CLDN18: variants seen among roughly 807,000 people sequenced by gnomAD.
CLDN18 encodes claudin 18.
A neutral mutation model predicts 25.0 loss-of-function variants in CLDN18; 20 were observed. That is an observed-to-expected ratio of 0.80 (90% CI 0.56 to 1.16). The LOEUF (loss-of-function observed/expected upper bound fraction) is 1.16, where lower values mean the gene tolerates loss of function less well. CLDN18 is among the 50% of genes most tolerant of loss of function. The probability of loss-of-function intolerance (pLI) is 0.00; values close to 1 mark genes in which losing one functional copy is unlikely to be tolerated. For missense variants in CLDN18, 297 were observed against 345.4 expected, an observed-to-expected ratio of 0.86 and a Z score of 1.11; for synonymous variants, 125 against 135.6, an observed-to-expected ratio of 0.92 and a Z score of 0.54.
chr3:138,027,873 G>A (rs1246523529), intron 3 of CLDN18, among the ~76,000 whole-genome samples: 1 of 152,164 alleles, frequency 6.6e-6, no homozygotes, highest in Non-Finnish European at 1.5e-5. Flanking sequence ...GGTAGGATGA[G>A]GGGGCAGGGC....
intron 3 of CLDN18, among the ~76,000 whole-genome samples, chr3:138,026,375 C>T (rs573116276): frequency 7.2e-5 from 11 of 152,220 alleles, no homozygotes; most frequent in African/African-American, 2.2e-4. Flanking sequence ...AGGCTGGGCG[C>T]GGTGGCTCAC....
chr3:138,026,192 G>T (rs1172157280), intron 3 of CLDN18, among the ~76,000 whole-genome samples: 1 of 152,108 alleles, frequency 6.6e-6, no homozygotes. Context: ...TCCTTCTCCT[G>T]TTCCCCGACT....
chr3:138,014,543 A>C (rs1393325830), intron 1 of CLDN18, among the ~76,000 whole-genome samples: 1 of 151,892 alleles, frequency 6.6e-6, no homozygotes, highest in African/African-American at 2.4e-5. Flanking sequence ...GCTGTGAAAA[A>C]CCAAGCTGGA....
chr3:138,029,769 T>C (rs1316871363), intron 3 of CLDN18, 28 bp from the exon 4 acceptor site: 3 of 1,384,336 alleles, frequency 2.2e-6, no homozygotes, highest in Admixed American at 4.7e-5. Flanking sequence ...GAGTCAACCA[T>C]ATTGACAGCC....
chr3:138,015,154 A>T (rs563088323), intron 1 of CLDN18, among the ~76,000 whole-genome samples: 21 of 152,250 alleles, frequency 1.4e-4, no homozygotes, highest in South Asian at 1.2e-3. Context: ...AAATATTTTT[A>T]AAAAAATATT....
At chr3:137,998,983 C>T (rs1941986380) in exon 1 of CLDN18, 1 of 1,614,110 alleles carries the variant, frequency 6.2e-7, no homozygotes. Flanking sequence ...GTACAACAAC[C>T]CCGTAACAGC....
intron 1 of CLDN18, among the ~76,000 whole-genome samples, chr3:138,014,017 T>G (rs1009887848): frequency 6.6e-6 from 1 of 151,812 alleles, no homozygotes; most frequent in Non-Finnish European, 1.5e-5. Context: ...GCACATTTTT[T>G]TCAAAAAGTA....
chr3:137,998,961 C>A, exon 1 of CLDN18: 1 of 1,614,152 alleles, frequency 6.2e-7, no homozygotes, highest in African/African-American at 1.3e-5. Flanking sequence ...ACCAGTGGAG[C>A]ACCCAAGACT....
intron 1 of CLDN18, among the ~76,000 whole-genome samples, chr3:138,013,085 C>T (rs561993611): frequency 1.3e-5 from 2 of 152,292 alleles, no homozygotes; most frequent in South Asian, 2.1e-4. Context: ...GATTGATAAA[C>T]TAAGTTGAAT....
chr3:137,999,416 G>A lies in CLDN18; in HGVS notation c.220+328G>A, dbSNP rs573787318. 1.4e-4 allele frequency among the ~76,000 whole-genome samples: 21 copies of A among 152,238 alleles called. No individual in the cohort carries two copies. In the South Asian group the frequency reaches 3.3e-3, roughly 24 times the overall value. On this transcript the variant is annotated intron_variant, in intron 1 of 4. Coordinates refer to the CLDN18 transcript ENST00000343735. Reference sequence around the variant, plus strand: ...ACAGGACTCAGGAGGCCCAGACTTCGGCCACTTTGTTCCTTCGGCCCCGGG... The same window carrying A: ...ACAGGACTCAGGAGGCCCAGACTTCAGCCACTTTGTTCCTTCGGCCCCGGG...
At chr3:138,001,608 C>T (rs1034996810) in intron 1 of CLDN18, among the ~76,000 whole-genome samples, 2 of 152,068 alleles carry the variant, frequency 1.3e-5, no homozygotes, top group African/African-American at 4.8e-5. Flanking sequence ...GATCTAAAAA[C>T]GAACCAGATT....
chr3:138,012,796 G>A (rs535553334), intron 1 of CLDN18, among the ~76,000 whole-genome samples: 5 of 152,208 alleles, frequency 3.3e-5, no homozygotes, highest in African/African-American at 1.2e-4. Context: ...ACAGGCATGT[G>A]TGTGAATATC....
upstream of CLDN18, among the ~76,000 whole-genome samples, chr3:138,006,106 G>T (rs907211791): frequency 6.6e-6 from 1 of 152,100 alleles, no homozygotes; most frequent in African/African-American, 2.4e-5. Context: ...CAAATATTTT[G>T]TCTAGGGCTT....
intron 1 of CLDN18, among the ~76,000 whole-genome samples, chr3:138,021,246 C>T (rs1942266718): frequency 6.6e-6 from 1 of 151,982 alleles, no homozygotes; most frequent in Admixed American, 6.5e-5. Flanking sequence ...TCAGTATCTC[C>T]TTCAAAGAGA....
At chr3:138,002,775 A>G (rs1942031862) in intron 1 of CLDN18, among the ~76,000 whole-genome samples, 1 of 152,160 alleles carries the variant, frequency 6.6e-6, no homozygotes, top group Admixed American at 6.5e-5. Flanking sequence ...GGGCAAAGTC[A>G]TTTCACTAGG....
At chr3:138,029,355 AG>A (rs1180147882) in intron 3 of CLDN18, among the ~76,000 whole-genome samples, 2 of 152,160 alleles carry the variant, frequency 1.3e-5, no homozygotes, top group Admixed American at 1.3e-4. Context: ...CATGTTGGCC[AG>A]GCTGCTCTTG....
intron 2 of CLDN18, among the ~76,000 whole-genome samples, 173 bp from the exon 3 acceptor site, chr3:138,024,434 T>G (rs1300209914): frequency 6.6e-6 from 1 of 152,232 alleles, no homozygotes; most frequent in African/African-American, 2.4e-5. Flanking sequence ...TAAAACATTC[T>G]AAGCACCTAT....
intron 4 of CLDN18, 73 bp downstream of exon 4, chr3:138,029,980 C>CAAA: frequency 1.2e-6 from 1 of 805,560 alleles, no homozygotes. Context: ...AACTTGCAGC[C>CAAA]AAAAAAAAAA....
chr3:138,006,531 A>G (rs1037756056), upstream of CLDN18, among the ~76,000 whole-genome samples: 1 of 152,224 alleles, frequency 6.6e-6, no homozygotes. Flanking sequence ...TACCAACCCC[A>G]TTATTGTTAA....
Sources: gnomAD v4.1 joint callset for allele counts (sites outside exome capture counted in the v4.1 genomes callset) on GRCh38, gnomAD v4.1.1 for gene constraint, MANE v1.5 for transcripts, NCBI Gene and HGNC (gene_info 2026-07-23, HGNC 2026-07-21) for gene names.